The following TASP1 variants were observed in gnomAD, a reference collection of about 807,000 sequenced individuals.
TASP1 encodes taspase 1.
TASP1 carries 16 observed loss-of-function variants against 56.6 expected under a neutral mutation model. The observed-to-expected ratio is 0.28, with a 90% confidence interval of 0.19 to 0.43. TASP1 has a LOEUF of 0.43. TASP1 is among the 20% of genes least tolerant of loss of function. TASP1 has a pLI of 1.00. For synonymous variants in TASP1, 179 were observed against 184.2 expected (o/e 0.97, Z 0.23); for missense variants, 393 against 511.6 (o/e 0.77, Z 2.24).
At chr20:13,222,898 C>T in the TASP1 span, among the ~76,000 whole-genome samples, 1 of 152,188 alleles carries the variant, frequency 6.6e-6, no homozygotes, top group Non-Finnish European at 1.5e-5. Flanking sequence ...CGCGGTGGCT[C>T]ACGCCTGTGA....
chr20:13,425,815 T>G (rs187631881), intron 12 of TASP1, among the ~76,000 whole-genome samples: 10 of 152,202 alleles, frequency 6.6e-5, no homozygotes, highest in Non-Finnish European at 1.0e-4. Flanking sequence ...GGTGTTTATC[T>G]TTAGAAAAAA....
At chr20:13,210,966 T>G in the TASP1 span, among the ~76,000 whole-genome samples, 2 of 152,130 alleles carry the variant, frequency 1.3e-5, no homozygotes, top group South Asian at 4.1e-4. Flanking sequence ...GCCGACATTC[T>G]CCTATGTGGC....
the TASP1 span, among the ~76,000 whole-genome samples, chr20:13,226,388 C>T: frequency 6.6e-6 from 1 of 152,048 alleles, no homozygotes; most frequent in Non-Finnish European, 1.5e-5. Context: ...GCTCGTTTTC[C>T]AGTCAGGCTG....
chr20:13,124,111 G>C, the TASP1 span, among the ~76,000 whole-genome samples: 1 of 152,138 alleles, frequency 6.6e-6, no homozygotes, highest in African/African-American at 2.4e-5. Context: ...CAGATATGGG[G>C]AAAACCCACC....
At chr20:13,433,540 A>AC (rs2042890668) in intron 12 of TASP1, among the ~76,000 whole-genome samples, 1 of 151,344 alleles carries the variant, frequency 6.6e-6, no homozygotes, top group Admixed American at 6.6e-5. Flanking sequence ...AAAAAAAAAA[A>AC]ATACAGCTGG....
intron 8 of TASP1, among the ~76,000 whole-genome samples, chr20:13,554,682 G>A (rs539652083): frequency 1.2e-4 from 18 of 152,090 alleles, no homozygotes; most frequent in African/African-American, 3.9e-4. Context: ...GTTTCCGAGT[G>A]CACATAAAAG....
the TASP1 span, among the ~76,000 whole-genome samples, chr20:13,197,324 C>T: frequency 3.3e-5 from 5 of 152,290 alleles, no homozygotes; most frequent in African/African-American, 1.2e-4. Flanking sequence ...GACTCAGTAA[C>T]TAAGGTGATT....
rs1401440868 is a variant in TASP1, at chr20:13,576,389, GAAAGAA to G, written c.488+4502_488+4507del. Among the ~76,000 whole-genome samples, 472 of 150,160 alleles carry G rather than the reference GAAAGAA, an allele frequency of 3.1e-3. 1 individual carries two copies. Among genetic ancestry groups the G allele is most frequent in the African/African-American group, 0.011 (454 of 39,882 alleles). ...AGAAAGAAAGAAAGAAAGAAAGAAA[GAAAGAA>G]AGTCAGTCTTATGGAATCTATAAAA... On this transcript the variant is annotated intron_variant, in intron 6 of 13. Transcript: ENST00000337743.
chr20:13,143,423 C>A, the TASP1 span, among the ~76,000 whole-genome samples: 1 of 152,196 alleles, frequency 6.6e-6, no homozygotes, highest in African/African-American at 2.4e-5. Flanking sequence ...ATCCTCATAA[C>A]AGTATGCAGT....
the TASP1 span, among the ~76,000 whole-genome samples, chr20:13,223,950 C>T: frequency 2.1e-4 from 32 of 152,066 alleles, no homozygotes; most frequent in Middle Eastern, 3.4e-3. Flanking sequence ...TGGCCTTTTC[C>T]GCTTGAACAG....
intron 13 of TASP1, among the ~76,000 whole-genome samples, chr20:13,391,967 C>CA (rs36124207): frequency 0.18 from 12,654 of 71,486 alleles, 1,376 homozygotes; most frequent in African/African-American, 0.38. Flanking sequence ...GACTCCGTCT[C>CA]AAAAAAAAAA....
At chr20:13,607,827 C>T (rs923140947) in intron 4 of TASP1, among the ~76,000 whole-genome samples, 1 of 152,082 alleles carries the variant, frequency 6.6e-6, no homozygotes, top group Non-Finnish European at 1.5e-5. Flanking sequence ...ATTAGCCAGG[C>T]GTGATGGCAG....
the TASP1 span, among the ~76,000 whole-genome samples, chr20:13,324,901 T>G: frequency 6.6e-6 from 1 of 152,240 alleles, no homozygotes; most frequent in Admixed American, 6.5e-5. Flanking sequence ...GACTTGCTCA[T>G]GCAGCTGAAG....
chr20:13,588,310 AG>A (rs2047394388), intron 4 of TASP1, among the ~76,000 whole-genome samples: 1 of 101,712 alleles, frequency 9.8e-6, no homozygotes, highest in African/African-American at 3.4e-5. Context: ...AGGAAGGAAG[AG>A]AAAGAAAAGG....
chr20:13,195,771 C>T, the TASP1 span, among the ~76,000 whole-genome samples: 2 of 152,160 alleles, frequency 1.3e-5, no homozygotes, highest in South Asian at 2.1e-4. Flanking sequence ...GCTAATTTGA[C>T]ATGAAAAGTA....
the TASP1 span, among the ~76,000 whole-genome samples, chr20:13,218,929 A>G: frequency 2.6e-5 from 4 of 152,378 alleles, no homozygotes; most frequent in South Asian, 8.3e-4. Context: ...AATTCAATTT[A>G]CAATTTTTAC....
intron 13 of TASP1, among the ~76,000 whole-genome samples, chr20:13,391,967 C>CAAA (rs36124207): frequency 0.016 from 1,133 of 71,824 alleles, 25 homozygotes; most frequent in African/African-American, 0.044. Context: ...GACTCCGTCT[C>CAAA]AAAAAAAAAA....
chr20:13,364,601 T>C, the TASP1 span, among the ~76,000 whole-genome samples: 1 of 152,278 alleles, frequency 6.6e-6, no homozygotes, highest in Admixed American at 6.5e-5. Context: ...CCCGTAGGCC[T>C]AAGATAGCTG....
the TASP1 span, chr20:13,288,526 T>C: frequency 6.2e-7 from 1 of 1,612,810 alleles, no homozygotes; most frequent in Non-Finnish European, 8.5e-7. Flanking sequence ...ACCATCTCCC[T>C]GGCTGTCTTC....
Sources: allele counts gnomAD v4.1 joint callset (sites outside exome capture counted in the v4.1 genomes callset), GRCh38; gene constraint gnomAD v4.1.1; transcripts MANE v1.5; gene names NCBI Gene and HGNC (gene_info 2026-07-23, HGNC 2026-07-21).